ENDOD1: variants seen among roughly 807,000 people sequenced by gnomAD.
ENDOD1 encodes endonuclease domain containing 1.
Under a neutral mutation model 6.5 loss-of-function variants are expected in ENDOD1, and 9 were observed. That is an observed-to-expected ratio of 1.39 (90% confidence interval 0.84 to 2.43). The LOEUF is 2.43. Among genes scored for constraint, ENDOD1 ranks in the 30% most tolerant of loss-of-function variants. The pLI, the probability that ENDOD1 is intolerant of heterozygous loss-of-function variation, is 0.00. For missense variants in ENDOD1, 648 were observed against 635.5 expected (o/e 1.02, Z -0.21); for synonymous variants, 255 against 255.2 (o/e 1.00, Z 0.01).
At chr11:95,094,850 A>G (rs1202975195) in intron 1 of ENDOD1, among the ~76,000 whole-genome samples, 2 of 152,362 alleles carry the variant, frequency 1.3e-5, no homozygotes, top group African/African-American at 4.8e-5. Context: ...TTCCATTTAC[A>G]AGCTATGTGA....
chr11:95,108,238 T>C (rs1227945554), intron 1 of ENDOD1, among the ~76,000 whole-genome samples: 7 of 152,216 alleles, frequency 4.6e-5, no homozygotes, highest in Admixed American at 4.6e-4. Context: ...TTATCTTCCG[T>C]TCCACCGTCT....
intron 1 of ENDOD1, among the ~76,000 whole-genome samples, chr11:95,123,241 A>C (rs1859279662): frequency 6.6e-6 from 1 of 151,692 alleles, no homozygotes; most frequent in Non-Finnish European, 1.5e-5. Context: ...ATATTTTTAT[A>C]AATGATGTGT....
chr11:95,109,105 T>G (rs192437291), intron 1 of ENDOD1, among the ~76,000 whole-genome samples: 2 of 152,276 alleles, frequency 1.3e-5, no homozygotes, highest in African/African-American at 2.4e-5. Flanking sequence ...TAACTCTTGT[T>G]GAAAAATAAA....
At chr11:95,098,801 C>G (rs1366417241) in intron 1 of ENDOD1, among the ~76,000 whole-genome samples, 1 of 151,976 alleles carries the variant, frequency 6.6e-6, no homozygotes, top group African/African-American at 2.4e-5. Context: ...GGTTAAACTA[C>G]TATTGCATTT....
chr11:95,115,721 G>A (rs1859202505), intron 1 of ENDOD1, among the ~76,000 whole-genome samples: 1 of 152,004 alleles, frequency 6.6e-6, no homozygotes, highest in Admixed American at 6.6e-5. Context: ...TCTATCAAAT[G>A]CTTTTTCATC....
intron 1 of ENDOD1, among the ~76,000 whole-genome samples, chr11:95,108,770 C>T (rs1415361141): frequency 6.6e-6 from 1 of 152,126 alleles, no homozygotes; most frequent in East Asian, 1.9e-4. Flanking sequence ...AAGGCAGCAG[C>T]TCCTTCCCTC....
Position 95,129,053 on chromosome 11 carries a change from G to C in ENDOD1, c.977G>C (p.Ser326Thr), listed in dbSNP as rs763683444. The change falls in exon 2 of 2, where the codon AGC (serine) becomes ACC (threonine). Residue 326 changes from serine (S) to threonine (T), a missense_variant. Transcript: ENST00000278505. ...CCAGAGGCATCTGAGGGAAGTAGTA[G>C]CTTTTTGGGAAAACTCATGGGCTTC... The part of the protein sequence containing the change: ...LPPEASEGSS[S>T]FLGKLMGFIA... 7 of 1,614,018 alleles carry C rather than the reference G, an allele frequency of 4.3e-6. No homozygotes were observed. The highest frequency in any genetic ancestry group is 2.2e-5 in the East Asian group (1 of 44,886).
intron 1 of ENDOD1, among the ~76,000 whole-genome samples, chr11:95,120,171 G>C (rs1016509987): frequency 3.9e-5 from 6 of 152,168 alleles, no homozygotes; most frequent in Non-Finnish European, 1.5e-5. Flanking sequence ...TGGCTGAGCT[G>C]GTACCTGAGG....
chr11:95,119,011 C>G (rs1385301688), intron 1 of ENDOD1, among the ~76,000 whole-genome samples: 1 of 152,126 alleles, frequency 6.6e-6, no homozygotes, highest in Non-Finnish European at 1.5e-5. Flanking sequence ...CTGCTTGATT[C>G]TTTTTAATGA....
chr11:95,119,146 T>C (rs956916895), intron 1 of ENDOD1, among the ~76,000 whole-genome samples: 1 of 152,262 alleles, frequency 6.6e-6, no homozygotes, highest in African/African-American at 2.4e-5. Context: ...CATATCTCTG[T>C]TTCTCCAGGA....
At position 95,125,953 on chromosome 11, in the gene ENDOD1, A is replaced by G. The variant is rs929772051; in HGVS notation, c.301-2424A>G. ...GCATGATTTATAATCCTTTGGGTAT[A>G]TACCTAGTAATGGGATGGCTGGGTC... On this transcript the variant is annotated intron_variant, in intron 1 of 1. Transcript: ENST00000278505. Among the ~76,000 whole-genome samples the G allele has an allele frequency of 2.6e-5, 4 of 152,134 alleles. No individual in the cohort carries two copies. The East Asian group carries it at 7.7e-4, about 29-fold the overall frequency.
Position 95,128,388 on chromosome 11 carries a change from C to T in ENDOD1, c.312C>T (p.Pro104=), listed in dbSNP as rs1405026461. 6.2e-7 allele frequency: 1 copy of T among 1,612,938 alleles called. No individual in the cohort carries two copies. The highest frequency in any genetic ancestry group is 8.5e-7 in the Non-Finnish European group (1 of 1,179,334). The stretch of plus-strand genomic sequence containing the variant: ...TTTTCTTCTTGCAGATCGATGACCC[C>T]AACAGCAACCTTGAGGAGGCGATTA... The part of the protein sequence containing the change: ...RWLVEPQIDD[P]NSNLEEAINE... The change falls in exon 2 of 2, where the codon CCC becomes CCT. Residue 104 remains proline (P), a synonymous_variant. Coordinates refer to ENST00000278505, the MANE Select transcript of ENDOD1 (RefSeq NM_015036.3).
chr11:95,091,611 C>G (rs1181292480), intron 1 of ENDOD1, among the ~76,000 whole-genome samples: 2 of 152,208 alleles, frequency 1.3e-5, no homozygotes, highest in East Asian at 3.8e-4. Context: ...TAGTTCTTTC[C>G]CCTTGATCTC....
At position 95,104,447 on chromosome 11, in the gene ENDOD1, TAA is replaced by T. The variant is rs10716026; in HGVS notation, c.300+14238_300+14239del. ...GGGCAACTGGAGTGAGACCCTGTCTTAAAAAAAAAAAAAAAAAAAGAAAGAAG... is the reference window on the plus strand; with the variant it reads ...GGGCAACTGGAGTGAGACCCTGTCTTAAAAAAAAAAAAAAAAAGAAAGAAG... On this transcript the variant is annotated intron_variant, in intron 1 of 1. Transcript: ENST00000278505. 4.7e-3 allele frequency among the ~76,000 whole-genome samples: 610 copies of T among 131,082 alleles called. 1 individual carries two copies. The highest frequency in any genetic ancestry group is 0.011 in the East Asian group (52 of 4,526). 86.0% of individuals were successfully genotyped at this position (131,082 alleles called of 152,430 possible).
At chr11:95,123,188 CA>C (rs57764199) in intron 1 of ENDOD1, among the ~76,000 whole-genome samples, 99,882 of 136,100 alleles carry the variant, frequency 0.73, 36,152 homozygotes, top group East Asian at 0.93. Flanking sequence ...GACTCCGTCT[CA>C]AAAAAAAAAA....
chr11:95,100,114 A>G (rs1213076475), intron 1 of ENDOD1, among the ~76,000 whole-genome samples: 7 of 152,190 alleles, frequency 4.6e-5, no homozygotes, highest in African/African-American at 1.7e-4. Flanking sequence ...CTTCATAGAC[A>G]TGAGGTGTTT....
At chr11:95,117,602 A>G (rs1407097656) in intron 1 of ENDOD1, among the ~76,000 whole-genome samples, 4 of 151,970 alleles carry the variant, frequency 2.6e-5, no homozygotes, top group Admixed American at 6.5e-5. Context: ...TTTGATTTCC[A>G]TTTACATAGA....
intron 1 of ENDOD1, among the ~76,000 whole-genome samples, chr11:95,108,494 A>AACACACACACACAC (rs34439162): frequency 0.018 from 2,691 of 146,442 alleles, 68 homozygotes; most frequent in African/African-American, 0.051. Flanking sequence ...CTCTTTTCTA[A>AACACACACACACAC]ACACACACAC....
At chr11:95,121,401 C>T (rs918077396) in intron 1 of ENDOD1, among the ~76,000 whole-genome samples, 6 of 152,110 alleles carry the variant, frequency 3.9e-5, no homozygotes, top group Admixed American at 3.9e-4. Flanking sequence ...ATTAATAATA[C>T]ATGTGGAGCT....
Sources: allele counts gnomAD v4.1 joint callset (sites outside exome capture counted in the v4.1 genomes callset), GRCh38; gene constraint gnomAD v4.1.1; transcripts MANE v1.5; gene names NCBI Gene and HGNC (gene_info 2026-07-23, HGNC 2026-07-21).